The following RASSF1 variants were observed in gnomAD, a reference collection of about 807,000 sequenced individuals.
RASSF1 encodes the protein ras association domain-containing protein 1.
Under a neutral mutation model 34.3 loss-of-function variants are expected in RASSF1, and 33 were observed. That is an observed-to-expected ratio of 0.96 (90% CI 0.73 to 1.29). The LOEUF (loss-of-function observed/expected upper bound fraction) is 1.29. RASSF1 is among the 50% of genes most tolerant of loss of function. The pLI is 0.00. For missense variants in RASSF1, 445 were observed against 471.8 expected, an observed-to-expected ratio of 0.94 and a Z score of 0.53; for synonymous variants, 191 against 195.0, an observed-to-expected ratio of 0.98 and a Z score of 0.17.
intron 2 of RASSF1, among the ~76,000 whole-genome samples, chr3:50,334,108 T>A (rs777193183): frequency 3.3e-5 from 5 of 152,126 alleles, no homozygotes; most frequent in Non-Finnish European, 7.4e-5. Context: ...CTTAAGCACT[T>A]AAACCATCTG....
chr3:50,338,576 G>T (rs1703251310), intron 1 of RASSF1, among the ~76,000 whole-genome samples: 2 of 152,170 alleles, frequency 1.3e-5, no homozygotes, highest in African/African-American at 4.8e-5. Context: ...CACCGCACCC[G>T]GCCCTTCACT....
At chr3:50,338,207 C>G in intron 1 of RASSF1, 196 bp from the exon 2 acceptor site, 1 of 1,411,826 alleles carries the variant, frequency 7.1e-7, no homozygotes, top group Non-Finnish European at 9.2e-7. Flanking sequence ...CGGAAGGCCA[C>G]AGGCAGAGAG....
intron 5 of RASSF1, 106 bp downstream of exon 5, chr3:50,331,228 T>C (rs1702922210): frequency 1.8e-5 from 16 of 911,302 alleles, no homozygotes; most frequent in Non-Finnish European, 2.6e-5. Context: ...TGGAACTGTT[T>C]TGCAGGGCTT....
chr3:50,338,851 C>T (rs954559568), intron 1 of RASSF1, among the ~76,000 whole-genome samples: 3 of 152,198 alleles, frequency 2.0e-5, no homozygotes, highest in African/African-American at 4.8e-5. Context: ...TCCATTCTCA[C>T]CCCCTCAGCA....
rs587631307 is a variant in RASSF1, at chr3:50,337,659, G to GGAAGTGCGC, written c.357+237_357+245dup. On this transcript the variant is annotated intron_variant, in intron 2 of 5. Transcript: ENST00000359365. ...CCGGAGGCGAGGGCGGGAAGGTGCG[G>GGAAGTGCGC]GAAGTGCGCGTGCGCGGAGCCTGGG... 415 of 906,098 alleles carry GGAAGTGCGC rather than the reference G, an allele frequency of 4.6e-4. 1 individual carries two copies. The African/African-American group carries it at 6.3e-3, about 14-fold the overall frequency. The allele number at this position is 906,098 out of a possible 1,614,324, so 56.1% of individuals were successfully genotyped here. A position where few individuals can be genotyped will look rare whatever the true frequency, so the allele number is the denominator to read the frequency against.
chr3:50,330,411 C>G lies in RASSF1; in HGVS notation c.*170G>C. 1.1e-6 allele frequency: 1 copy of G among 918,124 alleles called. No individual in the cohort carries two copies. Among genetic ancestry groups the G allele is most frequent in the Non-Finnish European group, 1.6e-6 (1 of 618,662 alleles). 56.9% of individuals were successfully genotyped at this position (918,124 alleles called of 1,614,324 possible). On this transcript the variant is annotated 3_prime_UTR_variant, in exon 6 of 6. Coordinates refer to ENST00000359365, the MANE Select transcript of RASSF1 (RefSeq NM_007182.5). The surrounding 1 kb of genome is among the most constrained non-coding windows in gnomAD (Gnocchi z 4.5). ...GTGCAGAGCCATACCTGGCTACACC[C>G]ACAGGTGGACACAGGGAGCAAGCTA...
At chr3:50,335,054 A>G (rs919390087) in intron 2 of RASSF1, among the ~76,000 whole-genome samples, 3 of 152,070 alleles carry the variant, frequency 2.0e-5, no homozygotes, top group South Asian at 2.1e-4. Context: ...GGTTCAAGCA[A>G]TTCTCTGCTT....
chr3:50,340,523 CCG>C, intron 1 of RASSF1, 31 bp downstream of exon 1: 1 of 1,443,230 alleles, frequency 6.9e-7, no homozygotes, highest in Non-Finnish European at 9.0e-7. Context: ...GCTGCCCCTT[CCG>C]CTCTCGTAGG....
At chr3:50,331,500 C>T (rs1575539854) in intron 4 of RASSF1, 51 bp from the exon 5 acceptor site, 1 of 1,514,466 alleles carries the variant, frequency 6.6e-7, no homozygotes, top group Admixed American at 1.8e-5. Flanking sequence ...TCAGCCCCTG[C>T]ATGCTCAGGT....
At chr3:50,336,976 C>T (rs1482309522) in intron 2 of RASSF1, 2 of 772,270 alleles carry the variant, frequency 2.6e-6, no homozygotes, top group East Asian at 3.0e-5. Flanking sequence ...AAGGGGGCCC[C>T]GGCACCCAGC....
rs186558317 is a variant in RASSF1 at position 50,335,170 on chromosome 3, G to A, written c.357+2735C>T. 2.6e-4 allele frequency among the ~76,000 whole-genome samples: 39 copies of A among 152,094 alleles called. No homozygotes were observed. In the East Asian group the frequency reaches 5.2e-3, roughly 20 times the overall value. On this transcript the variant is annotated intron_variant, in intron 2 of 5. Coordinates refer to ENST00000359365, the MANE Select transcript of RASSF1 (RefSeq NM_007182.5). The stretch of plus-strand genomic sequence containing the variant: ...TCACCATTTTGGCCAGGCTGGTCTT[G>A]AACTCCTGACCTCATGATCCACCCA...
rs1702890635 is a variant in RASSF1, at chr3:50,330,424, A to G, written c.*157T>C. The G allele has an allele frequency of 9.6e-7, 1 of 1,042,094 alleles. No homozygotes were observed. Among genetic ancestry groups the G allele is most frequent in the African/African-American group, 1.6e-5 (1 of 62,742 alleles). 64.6% of individuals were successfully genotyped at this position (1,042,094 alleles called of 1,614,324 possible). A position where few individuals can be genotyped will look rare whatever the true frequency, so the allele number is the denominator to read the frequency against. ...CCTGGCTACACCCACAGGTGGACAC[A>G]GGGAGCAAGCTACTTCGCTGTTCTC... On this transcript the variant is annotated 3_prime_UTR_variant, in exon 6 of 6. Coordinates refer to ENST00000359365, the MANE Select transcript of RASSF1 (RefSeq NM_007182.5). This position sits in a 1 kb window ranked among gnomAD's most constrained non-coding sequence, Gnocchi z 4.5.
In RASSF1 at chr3:50,330,355, C is replaced by A. The variant is rs1702888408; in HGVS notation, c.*226G>T. On this transcript the variant is annotated 3_prime_UTR_variant, in exon 6 of 6. Transcript: ENST00000359365. This position sits in a 1 kb window ranked among gnomAD's most constrained non-coding sequence, Gnocchi z 4.5. ...GAGCAGCTTCTCAGGGCAGCCCTGG[C>A]CCACTAAGGCCCAGTAATGAGGGCA... 3 of 566,798 alleles carry A rather than the reference C, an allele frequency of 5.3e-6. No individual in the cohort carries two copies. Among genetic ancestry groups the A allele is most frequent in the Non-Finnish European group, 9.1e-6 (3 of 331,050 alleles). The allele number at this position is 566,798 out of a possible 1,614,324, so 35.1% of individuals were successfully genotyped here.
chr3:50,337,555 T>G (rs74352111), intron 2 of RASSF1: 33 of 1,459,972 alleles, frequency 2.3e-5, no homozygotes, highest in Non-Finnish European at 2.9e-5. Flanking sequence ...GCTCCGGAGC[T>G]CCACTCACAG....
In RASSF1 at chr3:50,334,957, G is replaced by GT. The variant is rs67898548; in HGVS notation, c.358-2804dup. ...CTACCACTGTCCATAAAAACTGATG[G>GT]TTTTTTTTTTGAGACAGAGTCTCGC... On this transcript the variant is annotated intron_variant, in intron 2 of 5. Transcript: ENST00000359365. Among the ~76,000 whole-genome samples, 8,668 of 149,372 alleles carry GT rather than the reference G, an allele frequency of 0.058. 1,523 individuals are homozygous for GT. The East Asian group carries it at 0.6, about 10-fold the overall frequency.
chr3:50,335,649 C>A (rs1177331361), intron 2 of RASSF1, among the ~76,000 whole-genome samples: 1 of 151,696 alleles, frequency 6.6e-6, no homozygotes, highest in Non-Finnish European at 1.5e-5. Context: ...AGAGCCTCAC[C>A]CTGTCACCCA....
intron 2 of RASSF1, among the ~76,000 whole-genome samples, chr3:50,335,507 C>T (rs587646512): frequency 6.6e-5 from 10 of 151,934 alleles, no homozygotes; most frequent in East Asian, 1.9e-4. Flanking sequence ...TCAGTACAGA[C>T]GGGGTTTTGC....
intron 1 of RASSF1, among the ~76,000 whole-genome samples, chr3:50,339,043 A>T (rs193141147): frequency 1.1e-3 from 168 of 152,326 alleles, no homozygotes; most frequent in Non-Finnish European, 1.6e-3. Context: ...CCCCAGATCC[A>T]CGGCTGAAAC....
intron 2 of RASSF1, 157 bp downstream of exon 2, chr3:50,337,748 C>G: frequency 1.1e-6 from 1 of 902,774 alleles, no homozygotes; most frequent in Non-Finnish European, 1.7e-6. Flanking sequence ...ATCCAGGCTC[C>G]CCTCCCAGCC....
Sources: allele counts gnomAD v4.1 joint callset (sites outside exome capture counted in the v4.1 genomes callset), GRCh38; gene constraint gnomAD v4.1.1; non-coding constraint Gnocchi (gnomAD v3.1); transcripts MANE v1.5; gene names NCBI Gene and HGNC (gene_info 2026-07-23, HGNC 2026-07-21).